Variants in SLC35F3 observed in about 807,000 individuals in gnomAD.
SLC35F3 encodes solute carrier family 35 member F3, also known as putative thiamine transporter SLC35F3.
Under a neutral mutation model 49.9 loss-of-function variants are expected in SLC35F3, and 25 were observed. That is an observed-to-expected ratio of 0.50 (90% confidence interval 0.37 to 0.70). The LOEUF is 0.70. SLC35F3 is among the 30% of genes least tolerant of loss of function. SLC35F3 has a pLI of 0.00. For synonymous variants in SLC35F3, 275 were observed against 265.4 expected (o/e 1.04, Z -0.35); for missense variants, 525 against 639.8 (o/e 0.82, Z 1.94).
intron 2 of SLC35F3, among the ~76,000 whole-genome samples, chr1:233,983,610 T>C (rs1368209458): frequency 1.3e-5 from 2 of 152,232 alleles, no homozygotes; most frequent in East Asian, 1.9e-4. Context: ...TTAATTTGCA[T>C]GCGAAGTTTA....
intron 3 of SLC35F3, among the ~76,000 whole-genome samples, chr1:234,243,272 T>C (rs1010406237): frequency 1.3e-5 from 2 of 152,120 alleles, no homozygotes; most frequent in Non-Finnish European, 2.9e-5. Context: ...CGAGAATCAC[T>C]TGAACCTGGG....
intron 3 of SLC35F3, among the ~76,000 whole-genome samples, chr1:234,300,731 A>G (rs893125255): frequency 6.6e-6 from 1 of 152,224 alleles, no homozygotes; most frequent in Non-Finnish European, 1.5e-5. Context: ...CCAACCAAAG[A>G]GGTTGGCCAT....
chr1:233,913,431 G>C (rs1031286948), intron 2 of SLC35F3, among the ~76,000 whole-genome samples: 1 of 152,100 alleles, frequency 6.6e-6, no homozygotes, highest in African/African-American at 2.4e-5. Context: ...CTATAGTGTT[G>C]TCACTTCTTT....
chr1:234,107,813 C>T (rs1167486376), intron 2 of SLC35F3, among the ~76,000 whole-genome samples: 2 of 152,144 alleles, frequency 1.3e-5, no homozygotes, highest in Non-Finnish European at 2.9e-5. Context: ...AACAATAAAT[C>T]TGTTTGCCTT....
At chr1:234,083,785 G>C (rs1048531310) in intron 2 of SLC35F3, among the ~76,000 whole-genome samples, 4 of 151,722 alleles carry the variant, frequency 2.6e-5, no homozygotes, top group Non-Finnish European at 5.9e-5. Flanking sequence ...AAAGCATTGT[G>C]AGGCAGGAGG....
At chr1:233,986,629 A>G (rs1663270143) in intron 2 of SLC35F3, among the ~76,000 whole-genome samples, 2 of 152,108 alleles carry the variant, frequency 1.3e-5, no homozygotes, top group Admixed American at 1.3e-4. Flanking sequence ...TCTTCTCTTT[A>G]ACTTTTTCCC....
intron 2 of SLC35F3, among the ~76,000 whole-genome samples, chr1:234,167,836 C>T (rs1489773006): frequency 6.6e-6 from 1 of 152,108 alleles, no homozygotes; most frequent in Non-Finnish European, 1.5e-5. Flanking sequence ...CTAAATGGTT[C>T]CAGGTTCCCT....
intron 2 of SLC35F3, among the ~76,000 whole-genome samples, chr1:234,119,923 TG>T (rs1665547696): frequency 6.6e-6 from 1 of 152,224 alleles, no homozygotes; most frequent in Admixed American, 6.5e-5. Flanking sequence ...GTTTTTGGTG[TG>T]CTGCCATTGT....
rs190147539 is a variant in SLC35F3, at chr1:234,105,571, C to A, written c.284-125846C>A. ...GGGACAGCCTCCAAAGAAAGAGGAG[C>A]CATGTCTGCACCTCTTGCAAGATCC... On this transcript the variant is annotated intron_variant, in intron 2 of 7. Coordinates refer to ENST00000366618, the MANE Select transcript of SLC35F3 (RefSeq NM_173508.4). Among the ~76,000 whole-genome samples, 181 of 152,242 alleles carry A rather than the reference C, an allele frequency of 1.2e-3. 2 individuals carry two copies. The highest frequency in any genetic ancestry group is 4.1e-3 in the African/African-American group (169 of 41,540).
At chr1:234,268,432 GGGAGACCGTGGAAA>G (rs1236900776) in intron 3 of SLC35F3, among the ~76,000 whole-genome samples, 7 of 151,842 alleles carry the variant, frequency 4.6e-5, no homozygotes, top group South Asian at 2.1e-4. Flanking sequence ...CGGCATCAGA[GGGAGACCGTGGAAA>G]GGAGACCGTG....
intron 2 of SLC35F3, among the ~76,000 whole-genome samples, chr1:234,098,765 TTGGTGG>T (rs1174451897): frequency 1.4e-5 from 2 of 146,532 alleles, no homozygotes; most frequent in Admixed American, 1.4e-4. Flanking sequence ...GGTGACTGTG[TTGGTGG>T]TGGTGGTGGC....
At chr1:234,191,557 C>A (rs1002953651) in intron 2 of SLC35F3, among the ~76,000 whole-genome samples, 1 of 150,710 alleles carries the variant, frequency 6.6e-6, no homozygotes, top group East Asian at 1.9e-4. Flanking sequence ...CAAGAACAAA[C>A]CACCTCCAAG....
chr1:234,106,505 A>G (rs1468880021), intron 2 of SLC35F3, among the ~76,000 whole-genome samples: 1 of 152,192 alleles, frequency 6.6e-6, no homozygotes, highest in Non-Finnish European at 1.5e-5. Context: ...GACTGCAGAC[A>G]GCACCTCCTT....
At chr1:233,909,372 G>A (rs532403634) in intron 2 of SLC35F3, among the ~76,000 whole-genome samples, 87 of 152,284 alleles carry the variant, frequency 5.7e-4, no homozygotes, top group African/African-American at 2.1e-3. Flanking sequence ...TCTGTTGAGT[G>A]GATCCAGGGC....
At chr1:234,205,972 C>T (rs557433955) in intron 2 of SLC35F3, among the ~76,000 whole-genome samples, 5 of 152,150 alleles carry the variant, frequency 3.3e-5, no homozygotes, top group South Asian at 4.1e-4. Context: ...GGAGGAAGGA[C>T]CTGCTGCTGA....
chr1:234,233,435 C>T (rs1667415485), intron 3 of SLC35F3, among the ~76,000 whole-genome samples: 1 of 152,168 alleles, frequency 6.6e-6, no homozygotes, highest in African/African-American at 2.4e-5. Flanking sequence ...TGAAAGAGGA[C>T]CCCCAAGTGG....
At position 234,214,587 on chromosome 1, in the gene SLC35F3, C is replaced by T. The variant is rs1475524741; in HGVS notation, c.284-16830C>T. 6.5e-7 allele frequency: 1 copy of T among 1,528,574 alleles called. No homozygotes were observed. Among genetic ancestry groups the T allele is most frequent in the Non-Finnish European group, 8.8e-7 (1 of 1,138,682 alleles). The allele number at this position is 1,528,574 out of a possible 1,614,324, so 94.7% of individuals were successfully genotyped here. ...ACCAAAGTGGAAGGTAATGCGCGGC[C>T]GCCTCGCCCCGGGGGTCCCTGCACC... On this transcript the variant is annotated intron_variant, in intron 2 of 7. Transcript: ENST00000366618. The surrounding 1 kb of genome is among the most constrained non-coding windows in gnomAD (Gnocchi z 8.0).
At chr1:234,218,053 G>GT (rs780661951) in intron 2 of SLC35F3, among the ~76,000 whole-genome samples, 1 of 152,188 alleles carries the variant, frequency 6.6e-6, no homozygotes, top group Non-Finnish European at 1.5e-5. Flanking sequence ...TTAGATAGGG[G>GT]TTAAGGTTTG....
intron 2 of SLC35F3, among the ~76,000 whole-genome samples, chr1:234,083,913 C>T (rs915354940): frequency 2.6e-5 from 4 of 151,478 alleles, no homozygotes; most frequent in African/African-American, 7.3e-5. Context: ...TCTCGGCTCA[C>T]CACAACCTCC....
Sources: gnomAD v4.1 joint callset for allele counts (sites outside exome capture counted in the v4.1 genomes callset) on GRCh38, gnomAD v4.1.1 for gene constraint, Gnocchi (gnomAD v3.1) non-coding constraint, MANE v1.5 for transcripts, NCBI Gene and HGNC (gene_info 2026-07-23, HGNC 2026-07-21) for gene names.